Variants in PUDP observed in about 807,000 individuals in gnomAD.
PUDP encodes the protein pseudouridine-5'-phosphatase.
PUDP carries 8 observed loss-of-function variants against 9.4 expected under a neutral mutation model. The ratio of observed to expected loss-of-function variants is 0.85; its 90% CI spans 0.50 to 1.53. The LOEUF is 1.53. Among genes scored for constraint, PUDP ranks in the 40% most tolerant of loss-of-function variants. PUDP has a pLI of 0.00. For synonymous variants in PUDP, 99 were observed against 80.7 expected (o/e 1.23, Z -1.22); for missense variants, 188 against 189.7 (o/e 0.99, Z 0.05).
chrX:6,962,048 G>T (rs1928716151), intron 3 of PUDP, among the ~76,000 whole-genome samples: 1 of 111,953 alleles, frequency 8.9e-6, no homozygotes, highest in Admixed American at 9.5e-5. Context: ...TTAGTGATCT[G>T]AAAGAACTAA....
chrX:6,957,087 CT>C (rs1928639256), intron 3 of PUDP, among the ~76,000 whole-genome samples: 1 of 112,137 alleles, frequency 8.9e-6, no homozygotes, highest in Non-Finnish European at 1.9e-5. Context: ...CTCATCTATC[CT>C]TTTACTAGAA....
chrX:7,013,112 G>A (rs1394421232), intron 1 of PUDP, among the ~76,000 whole-genome samples: 4 of 111,937 alleles, frequency 3.6e-5, no homozygotes, highest in African/African-American at 1.3e-4. Flanking sequence ...GCTTATTCCT[G>A]ATTAGTTTTC....
chrX:6,747,531 T>C (rs1045839491), intron 3 of PUDP, among the ~76,000 whole-genome samples: 2 of 112,303 alleles, frequency 1.8e-5, no homozygotes, highest in East Asian at 2.8e-4. Flanking sequence ...AACATAATCA[T>C]TTTTGGAAAT....
intron 1 of PUDP, among the ~76,000 whole-genome samples, chrX:7,125,555 A>C (rs891443834): frequency 5.4e-5 from 6 of 111,780 alleles, no homozygotes; most frequent in African/African-American, 2.0e-4. Flanking sequence ...AATCACTTCT[A>C]TTCTTTTTCA....
chrX:6,856,113 T>C, intron 3 of PUDP, among the ~76,000 whole-genome samples: 1 of 110,989 alleles, frequency 9.0e-6, no homozygotes, highest in Non-Finnish European at 1.9e-5. Flanking sequence ...CTAATATTGC[T>C]CTTACGTGCA....
intron 2 of PUDP, among the ~76,000 whole-genome samples, chrX:7,094,311 A>C (rs753315634): frequency 9.0e-6 from 1 of 110,646 alleles, no homozygotes; most frequent in South Asian, 3.9e-4. Context: ...CACTATATTC[A>C]GAAAAGAGGA....
chrX:7,030,951 T>A (rs1428305517), intron 1 of PUDP, among the ~76,000 whole-genome samples: 1 of 111,335 alleles, frequency 9.0e-6, no homozygotes, highest in African/African-American at 3.3e-5. Context: ...TGCTTGCCCA[T>A]TTTATGGTTA....
intron 3 of PUDP, among the ~76,000 whole-genome samples, chrX:6,864,751 T>C (rs1016057457): frequency 9.0e-6 from 1 of 111,729 alleles, no homozygotes; most frequent in Non-Finnish European, 1.9e-5. Flanking sequence ...AGCCAGCAAA[T>C]GTTGGCCAAG....
At chrX:7,132,037 G>A (rs1932634045) in intron 1 of PUDP, among the ~76,000 whole-genome samples, 1 of 110,527 alleles carries the variant, frequency 9.0e-6, no homozygotes, top group Non-Finnish European at 1.9e-5. Flanking sequence ...TCTAGCAGAT[G>A]AATGATGATA....
At chrX:7,134,872 A>T (rs751838481) in intron 1 of PUDP, among the ~76,000 whole-genome samples, 6 of 112,824 alleles carry the variant, frequency 5.3e-5, no homozygotes, top group Non-Finnish European at 3.7e-5. Flanking sequence ...AGGCCAGAAC[A>T]GAAATATGTG....
intron 3 of PUDP, among the ~76,000 whole-genome samples, chrX:6,736,645 T>C (rs1418743904): frequency 1.8e-5 from 2 of 112,008 alleles, no homozygotes; most frequent in African/African-American, 6.5e-5. Flanking sequence ...GCATGGTTCA[T>C]ATGCACCCTG....
At chrX:6,842,564 G>A (rs1926688181) in intron 3 of PUDP, among the ~76,000 whole-genome samples, 2 of 112,400 alleles carry the variant, frequency 1.8e-5, no homozygotes, top group South Asian at 7.3e-4. Flanking sequence ...AATGTTAAAT[G>A]TATGTATATT....
At chrX:7,028,575 A>G (rs1225333512) in intron 1 of PUDP, among the ~76,000 whole-genome samples, 5 of 111,462 alleles carry the variant, frequency 4.5e-5, no homozygotes, top group Non-Finnish European at 5.6e-5. Flanking sequence ...AAGCGGTACC[A>G]GAGAAATAAG....
downstream of PUDP, among the ~76,000 whole-genome samples, chrX:7,048,575 A>T (rs1468824306): frequency 2.7e-5 from 3 of 112,471 alleles, no homozygotes; most frequent in Non-Finnish European, 5.6e-5. Context: ...ACATGAGATC[A>T]AATTTACCCT....
intron 3 of PUDP, among the ~76,000 whole-genome samples, chrX:6,767,152 C>G (rs983769136): frequency 5.3e-5 from 6 of 113,062 alleles, no homozygotes; most frequent in Admixed American, 1.9e-4. Flanking sequence ...TGAATAGGCC[C>G]AGCCTTGTAA....
At chrX:7,011,131 C>T (rs1468365160) in intron 1 of PUDP, among the ~76,000 whole-genome samples, 1 of 112,163 alleles carries the variant, frequency 8.9e-6, no homozygotes, top group Non-Finnish European at 1.9e-5. Flanking sequence ...ATATTGAGTA[C>T]ATTTCTCCCT....
At chrX:7,084,233 G>A (rs1931198133) in intron 2 of PUDP, among the ~76,000 whole-genome samples, 1 of 112,096 alleles carries the variant, frequency 8.9e-6, no homozygotes, top group Non-Finnish European at 1.9e-5. Flanking sequence ...CAGTTATTGC[G>A]GTTGTATGTA....
intron 2 of PUDP, among the ~76,000 whole-genome samples, chrX:7,083,621 C>T (rs1392711170): frequency 1.8e-5 from 2 of 111,069 alleles, no homozygotes; most frequent in Non-Finnish European, 3.8e-5. Flanking sequence ...TCCGGTTTGG[C>T]TGGGCATGGT....
intron 1 of PUDP, among the ~76,000 whole-genome samples, chrX:7,014,311 G>A (rs1929518634): frequency 9.1e-6 from 1 of 109,899 alleles, no homozygotes; most frequent in South Asian, 4.0e-4. Context: ...CTTGAGGGTG[G>A]GGACTTTGCT....
Sources: gnomAD v4.1 joint callset for allele counts (sites outside exome capture counted in the v4.1 genomes callset) on GRCh38, gnomAD v4.1.1 for gene constraint, MANE v1.5 for transcripts, NCBI Gene and HGNC (gene_info 2026-07-23, HGNC 2026-07-21) for gene names.